The following ARSB variants were observed in gnomAD, a reference collection of about 807,000 sequenced individuals.
ARSB encodes arylsulfatase B, also known as N-acetylgalactosamine-4-sulfatase.
A neutral mutation model predicts 50.9 loss-of-function variants in ARSB; 41 were observed. The observed-to-expected ratio is 0.81, with a 90% CI of 0.63 to 1.04. ARSB has a LOEUF of 1.04. Ranked by LOEUF, ARSB falls within the 50% of genes least tolerant of loss-of-function variation. ARSB has a pLI of 0.00. For missense variants in ARSB, 672 were observed against 693.3 expected (o/e 0.97, Z 0.35); for synonymous variants, 269 against 284.8 (o/e 0.94, Z 0.56).
intron 6 of ARSB, among the ~76,000 whole-genome samples, chr5:78,808,245 C>T (rs895440133): frequency 5.3e-5 from 8 of 151,936 alleles, no homozygotes; most frequent in African/African-American, 1.5e-4. Context: ...CCCTCCTCCC[C>T]ATATTATTTC....
chr5:78,875,185 T>C (rs966487611), intron 5 of ARSB, among the ~76,000 whole-genome samples: 2 of 152,080 alleles, frequency 1.3e-5, no homozygotes, highest in Non-Finnish European at 2.9e-5. Context: ...AAACCACAAC[T>C]GAAATAAACT....
At chr5:78,886,640 C>A (rs1471997537) in intron 4 of ARSB, among the ~76,000 whole-genome samples, 2 of 151,762 alleles carry the variant, frequency 1.3e-5, no homozygotes, top group Non-Finnish European at 2.9e-5. Context: ...TTAAAGTGGG[C>A]AGTAGAAAAG....
intron 4 of ARSB, among the ~76,000 whole-genome samples, chr5:78,892,440 A>C (rs146060377): frequency 0.015 from 2,272 of 151,794 alleles, 57 homozygotes; most frequent in African/African-American, 0.052. Context: ...ATTTTTAGTG[A>C]AGACAGGGTT....
intron 6 of ARSB, among the ~76,000 whole-genome samples, chr5:78,836,139 C>T (rs1340064101): frequency 6.6e-6 from 1 of 152,144 alleles, no homozygotes; most frequent in Non-Finnish European, 1.5e-5. Flanking sequence ...TATCATCATC[C>T]TAAAAATGAG....
In ARSB at chr5:78,985,210, G is replaced by A. The variant is rs751594970; in HGVS notation, c.39C>T (p.Pro13=). 2.9e-6 allele frequency: 4 copies of A among 1,356,902 alleles called. No individual in the cohort carries two copies. The Admixed American group carries it at 1.1e-4, about 37-fold the overall frequency. The allele number at this position is 1,356,902 out of a possible 1,614,324, so 84.1% of individuals were successfully genotyped here. Residue 13 remains proline, a synonymous_variant, in exon 1 of 8, where the codon CCC becomes CCT. Transcript: ENST00000264914. ...CGGGGAGGAGCAGCCGCCGAGGTCCGGGGCCTCGGGGCAAGCTCGCCGCGC... is the reference window on the plus strand; with the variant it reads ...CGGGGAGGAGCAGCCGCCGAGGTCCAGGGCCTCGGGGCAAGCTCGCCGCGC... ...PRGAASLPRG[P]GPRRLLLPVV... is the part of the protein sequence containing the mutation.
At chr5:78,982,716 T>G (rs980698402) in intron 1 of ARSB, among the ~76,000 whole-genome samples, 1 of 152,246 alleles carries the variant, frequency 6.6e-6, no homozygotes, top group Admixed American at 6.5e-5. Context: ...ATATAGTATC[T>G]GACGGAGACT....
intron 4 of ARSB, among the ~76,000 whole-genome samples, chr5:78,887,678 CG>C (rs1748100790): frequency 6.6e-6 from 1 of 152,128 alleles, no homozygotes; most frequent in South Asian, 2.1e-4. Context: ...CATTTTGTCA[CG>C]TTTTTTAAAA....
chr5:78,840,307 C>T (rs1745146682), intron 5 of ARSB, among the ~76,000 whole-genome samples: 1 of 152,182 alleles, frequency 6.6e-6, no homozygotes, highest in Admixed American at 6.5e-5. Context: ...GTACTGTTAA[C>T]ACCACAGGAT....
chr5:78,853,369 C>T (rs926451596), intron 5 of ARSB, among the ~76,000 whole-genome samples: 5 of 152,162 alleles, frequency 3.3e-5, no homozygotes, highest in East Asian at 1.9e-4. Context: ...TGCAGAACAG[C>T]GGATTTTCGT....
At chr5:78,861,514 T>A (rs182523324) in intron 5 of ARSB, among the ~76,000 whole-genome samples, 1 of 151,918 alleles carries the variant, frequency 6.6e-6, no homozygotes. Context: ...ACAAAAACTG[T>A]ATGATTATCT....
chr5:78,985,127 G>GC lies in ARSB; in HGVS notation c.121dup (p.Ala41GlyfsTer86), dbSNP rs1561197865. On this transcript the variant is annotated frameshift_variant, in exon 1 of 8. Transcript: ENST00000264914. LOFTEE classifies it high-confidence loss of function. ...GAAGACCAGGTGGGGCGGCCGGCTG[G>GC]CCCCGGCGCCCGAGCCCGGCGGCGC... 6 of 1,478,226 alleles carry GC rather than the reference G, an allele frequency of 4.1e-6. No individual in the cohort carries two copies. Among genetic ancestry groups the GC allele is most frequent in the Non-Finnish European group, 5.4e-6 (6 of 1,113,150 alleles). 91.6% of individuals were successfully genotyped at this position (1,478,226 alleles called of 1,614,324 possible). A position where few individuals can be genotyped will look rare whatever the true frequency, so the allele number is the denominator to read the frequency against.
chr5:78,812,393 C>T (rs555049632), intron 6 of ARSB, among the ~76,000 whole-genome samples: 13 of 152,182 alleles, frequency 8.5e-5, no homozygotes, highest in Admixed American at 7.8e-4. Context: ...AGCAATCATC[C>T]GAAACCAGGC....
At chr5:78,954,647 T>A (rs1047969462) in intron 4 of ARSB, among the ~76,000 whole-genome samples, 8 of 152,146 alleles carry the variant, frequency 5.3e-5, no homozygotes, top group African/African-American at 1.9e-4. Context: ...TGGGACTACA[T>A]GCACTCGCCA....
At chr5:78,900,783 T>C (rs1312649855) in intron 4 of ARSB, among the ~76,000 whole-genome samples, 5 of 152,160 alleles carry the variant, frequency 3.3e-5, no homozygotes, top group African/African-American at 1.2e-4. Flanking sequence ...CTCACGCCTG[T>C]AATCCCAGCA....
chr5:78,978,289 A>G (rs1197677562), intron 1 of ARSB, among the ~76,000 whole-genome samples: 3 of 151,692 alleles, frequency 2.0e-5, no homozygotes, highest in African/African-American at 7.3e-5. Flanking sequence ...TAGTGAGCCA[A>G]CACTGTGCTC....
chr5:78,780,936 C>A (rs1454503582), intron 7 of ARSB, among the ~76,000 whole-genome samples: 4 of 152,164 alleles, frequency 2.6e-5, no homozygotes, highest in Non-Finnish European at 5.9e-5. Context: ...GTGCTCCTGG[C>A]ATTTAGTGGG....
At chr5:78,972,526 C>CACACACAT (rs1184449269) in intron 1 of ARSB, among the ~76,000 whole-genome samples, 1 of 151,528 alleles carries the variant, frequency 6.6e-6, no homozygotes, top group African/African-American at 2.4e-5. Context: ...TACACACACA[C>CACACACAT]ACACACACAC....
chr5:78,843,516 A>ACCCAGGC (rs1745317381), intron 5 of ARSB, among the ~76,000 whole-genome samples: 1 of 152,232 alleles, frequency 6.6e-6, no homozygotes, highest in East Asian at 1.9e-4. Context: ...CAGCCTGGGC[A>ACCCAGGC]TAAAGATTTA....
chr5:78,915,017 C>T (rs1749478599), intron 4 of ARSB, among the ~76,000 whole-genome samples: 1 of 152,202 alleles, frequency 6.6e-6, no homozygotes, highest in South Asian at 2.1e-4. Flanking sequence ...TAGTAATTTG[C>T]CAGGCAATGG....
Sources: gnomAD v4.1 joint callset for allele counts (sites outside exome capture counted in the v4.1 genomes callset) on GRCh38, gnomAD v4.1.1 for gene constraint, MANE v1.5 for transcripts, NCBI Gene and HGNC (gene_info 2026-07-23, HGNC 2026-07-21) for gene names.